Variants in HMOX2 observed in about 807,000 individuals in gnomAD.
HMOX2 encodes the protein heme oxygenase 2.
Under a neutral mutation model 33.7 loss-of-function variants are expected in HMOX2, and 30 were observed. The observed-to-expected ratio is 0.89, with a 90% CI of 0.67 to 1.21. The LOEUF (loss-of-function observed/expected upper bound fraction) is 1.21. HMOX2 is among the 50% of genes most tolerant of loss of function. HMOX2 has a pLI of 0.00. For synonymous variants in HMOX2, 155 were observed against 155.0 expected (o/e 1.00, Z 0.00); for missense variants, 403 against 399.1 (o/e 1.01, Z -0.08).
intron 1 of HMOX2, among the ~76,000 whole-genome samples, chr16:4,495,113 ACT>A (rs1301422500): frequency 6.6e-6 from 1 of 151,970 alleles, no homozygotes; most frequent in Non-Finnish European, 1.5e-5. Flanking sequence ...TTTTCTGGAC[ACT>A]CTGCCCGACT....
rs58092240 is a variant in HMOX2 at position 4,484,460 on chromosome 16, C to CTT, written c.-42+7990_-42+7991dup. 4.7e-4 allele frequency among the ~76,000 whole-genome samples: 55 copies of CTT among 118,260 alleles called. 1 individual carries two copies. Among genetic ancestry groups the CTT allele is most frequent in the Non-Finnish European group, 8.6e-4 (49 of 57,302 alleles). The allele number at this position is 118,260 out of a possible 152,430, so 77.6% of individuals were successfully genotyped here. A position where few individuals can be genotyped will look rare whatever the true frequency, so the allele number is the denominator to read the frequency against. On this transcript the variant is annotated intron_variant, in intron 1 of 5. Transcript: ENST00000570646. ...AGGATGCTCAAGTTTCTTTTCTTTT[C>CTT]TTTTTTTTTTTTTTTTTTGAGACGG... is the stretch of plus-strand genomic sequence containing the variant.
intron 1 of HMOX2, among the ~76,000 whole-genome samples, chr16:4,493,912 T>A (rs1471038459): frequency 1.3e-5 from 2 of 152,232 alleles, no homozygotes; most frequent in Non-Finnish European, 2.9e-5. Context: ...TAAATATTTA[T>A]CTAAATTAAT....
In HMOX2 at chr16:4,505,605, A is replaced by G; in HGVS notation, c.81A>G (p.Gln27=). ...KNSGALEKEN[Q]MRMADLSELL... is the part of the protein sequence containing the mutation. The stretch of plus-strand genomic sequence containing the variant: ...CTGGGGCCCTAGAAAAGGAGAACCA[A>G]ATGAGGTGAGCGATGGGGGCTGGCT... Residue 27 remains glutamine, a synonymous_variant, in exon 2 of 6, where the codon CAA becomes CAG. Transcript: ENST00000570646. 6.3e-7 allele frequency: 1 copy of G among 1,592,320 alleles called. No homozygotes were observed. The highest frequency in any genetic ancestry group is 8.6e-7 in the Non-Finnish European group (1 of 1,167,812).
At chr16:4,485,311 C>T (rs1261508062) in intron 1 of HMOX2, among the ~76,000 whole-genome samples, 1 of 152,108 alleles carries the variant, frequency 6.6e-6, no homozygotes, top group African/African-American at 2.4e-5. Context: ...TCCACTGATG[C>T]AGAGCCCATG....
intron 1 of HMOX2, among the ~76,000 whole-genome samples, chr16:4,485,754 C>T (rs950489090): frequency 2.6e-5 from 4 of 152,084 alleles, no homozygotes; most frequent in African/African-American, 7.2e-5. Context: ...AGAGAAGTCT[C>T]GCTCTTGTCC....
At chr16:4,505,752 C>T in intron 2 of HMOX2, 142 bp downstream of exon 2, 1 of 588,404 alleles carries the variant, frequency 1.7e-6, no homozygotes, top group South Asian at 2.4e-5. Context: ...CTTGGCCCTG[C>T]AGGGACCGCA....
At chr16:4,475,419 T>C (rs1014454861), upstream of HMOX2, among the ~76,000 whole-genome samples, 1 of 151,894 alleles carries the variant, frequency 6.6e-6, no homozygotes, top group African/African-American at 2.4e-5. Flanking sequence ...GTGATTCTCC[T>C]GCCTCAGTTT....
In HMOX2 at chr16:4,477,962, T is replaced by C. The variant is rs140535922; in HGVS notation, c.-42+1475T>C. ...AATTATCACAAGACAAAATTTGTGC[T>C]TATCAGGAGTTCACAGTTAAGACAT... On this transcript the variant is annotated intron_variant, in intron 1 of 5. Transcript: ENST00000570646. Among the ~76,000 whole-genome samples the C allele has an allele frequency of 8.3e-4, 126 of 152,264 alleles. 1 individual carries two copies. Among genetic ancestry groups the C allele is most frequent in the African/African-American group, 3.0e-3 (125 of 41,546 alleles).
intron 1 of HMOX2, among the ~76,000 whole-genome samples, chr16:4,486,458 G>C (rs1182467261): frequency 2.0e-5 from 3 of 152,236 alleles, no homozygotes; most frequent in African/African-American, 4.8e-5. Context: ...GCTGATTAGA[G>C]TATGTCTGTC....
intron 1 of HMOX2, chr16:4,502,681 A>AAG (rs2058586972): frequency 6.6e-6 from 1 of 152,206 alleles, no homozygotes; most frequent in Admixed American, 6.5e-5. Flanking sequence ...CAGGGTCCTC[A>AAG]AGGGTGTACA....
intron 1 of HMOX2, among the ~76,000 whole-genome samples, chr16:4,498,747 G>T (rs1248010151): frequency 6.6e-6 from 1 of 152,204 alleles, no homozygotes; most frequent in African/African-American, 2.4e-5. Context: ...AATTCCCCCA[G>T]CGATTGAAAT....
chr16:4,508,003 G>A lies in HMOX2; in HGVS notation c.495G>A (p.Gln165=). 1 of 1,614,024 alleles carries A rather than the reference G, an allele frequency of 6.2e-7. No homozygotes were observed. The highest frequency in any genetic ancestry group is 8.5e-7 in the Non-Finnish European group (1 of 1,179,990). ...ACATGGGGGATCTCTCGGGGGGCCA[G>A]GTGCTGAAGAAGGTGGCCCAGCGAG... ...TRYMGDLSGG[Q]VLKKVAQRAL... The change falls in exon 4 of 6, where the codon CAG becomes CAA. Residue 165 remains glutamine (Q), a synonymous_variant. Coordinates refer to ENST00000570646, the MANE Select transcript of HMOX2 (RefSeq NM_002134.4).
intron 3 of HMOX2, among the ~76,000 whole-genome samples, chr16:4,507,247 C>G (rs570975970): frequency 6.6e-6 from 1 of 152,078 alleles, no homozygotes; most frequent in Non-Finnish European, 1.5e-5. Context: ...GAGTTTGAGA[C>G]CAGCCTGGCC....
At chr16:4,483,972 A>ATT (rs1189634511) in intron 1 of HMOX2, among the ~76,000 whole-genome samples, 4 of 99,992 alleles carry the variant, frequency 4.0e-5, no homozygotes, top group African/African-American at 9.3e-5. Context: ...TATGCCCAAA[A>ATT]ATTTTTTTTT....
At chr16:4,504,382 CAG>C (rs2058636012) in intron 1 of HMOX2, among the ~76,000 whole-genome samples, 1 of 87,658 alleles carries the variant, frequency 1.1e-5, no homozygotes, top group South Asian at 3.3e-4. Context: ...TTTTTTTGGA[CAG>C]AGTTTCACTC....
intron 1 of HMOX2, chr16:4,488,737 C>T (rs776437624): frequency 6.6e-6 from 1 of 152,518 alleles, no homozygotes; most frequent in Non-Finnish European, 1.5e-5. Context: ...ATGTAGACAT[C>T]AAGGAGTCAG....
intron 2 of HMOX2, 62 bp from the exon 3 acceptor site, chr16:4,506,832 TG>T (rs2141607119): frequency 8.2e-7 from 1 of 1,216,906 alleles, no homozygotes; most frequent in Non-Finnish European, 1.2e-6. Context: ...CTTCTCTCTA[TG>T]GTCCTTTCTG....
At chr16:4,485,800 C>T (rs918160633) in intron 1 of HMOX2, among the ~76,000 whole-genome samples, 1 of 152,210 alleles carries the variant, frequency 6.6e-6, no homozygotes, top group Non-Finnish European at 1.5e-5. Context: ...TCTCGGCTCA[C>T]TGCAACCTCT....
rs758571596 is a variant in HMOX2, at chr16:4,507,925, C to T, written c.417C>T (p.His139=). The T allele has an allele frequency of 1.9e-6, 3 of 1,613,908 alleles. No homozygotes were observed. In the African/African-American group the frequency reaches 4.0e-5, roughly 22 times the overall value. ...KAAQKYVERI[H]YIGQNEPELL... ...CCCAGAAGTACGTGGAGCGGATCCACTACATAGGGCAGAACGAGCCGGAGC... is the reference window on the plus strand; with the variant it reads ...CCCAGAAGTACGTGGAGCGGATCCATTACATAGGGCAGAACGAGCCGGAGC... Residue 139 remains histidine (H), a synonymous_variant, in exon 4 of 6, where the codon CAC becomes CAT. Transcript: ENST00000570646.
Sources: allele counts gnomAD v4.1 joint callset (sites outside exome capture counted in the v4.1 genomes callset), GRCh38; gene constraint gnomAD v4.1.1; transcripts MANE v1.5; gene names NCBI Gene and HGNC (gene_info 2026-07-23, HGNC 2026-07-21).